Variants in AGBL1 observed in about 807,000 individuals in gnomAD.
AGBL1 encodes AGBL carboxypeptidase 1.
AGBL1 carries 130 observed loss-of-function variants against 118.9 expected under a neutral mutation model. The observed-to-expected ratio is 1.09, with a 90% CI of 0.95 to 1.26. The LOEUF (loss-of-function observed/expected upper bound fraction) is 1.26. Ranked by LOEUF, AGBL1 falls within the 50% of genes most tolerant of loss-of-function variation. AGBL1 has a pLI of 0.00. For missense variants in AGBL1, 1,584 were observed against 1,298.1 expected (o/e 1.22, Z -3.38); for synonymous variants, 555 against 478.9 (o/e 1.16, Z -2.08).
At chr15:86,864,824 A>G (rs2079603359) in intron 22 of AGBL1, among the ~76,000 whole-genome samples, 2 of 152,206 alleles carry the variant, frequency 1.3e-5, no homozygotes, top group African/African-American at 2.4e-5. Context: ...CCTGGATTTC[A>G]TACCACTGTG....
intron 24 of AGBL1, among the ~76,000 whole-genome samples, chr15:87,006,971 A>T (rs576522776): frequency 6.6e-6 from 1 of 152,240 alleles, no homozygotes; most frequent in East Asian, 1.9e-4. Context: ...TCCCCAAAAC[A>T]TAGCAGAAAG....
intron 17 of AGBL1, among the ~76,000 whole-genome samples, chr15:86,334,211 A>G (rs971606463): frequency 6.6e-6 from 1 of 152,198 alleles, no homozygotes; most frequent in African/African-American, 2.4e-5. Context: ...AGACATCTAA[A>G]TAGGAAAAAA....
At chr15:86,402,112 C>G (rs1178254958) in intron 18 of AGBL1, among the ~76,000 whole-genome samples, 5 of 151,660 alleles carry the variant, frequency 3.3e-5, no homozygotes, top group Non-Finnish European at 5.9e-5. Flanking sequence ...GTTTGTGTCA[C>G]CTGTGATTTT....
At chr15:86,529,785 G>A (rs931330149) in intron 19 of AGBL1, among the ~76,000 whole-genome samples, 4 of 151,902 alleles carry the variant, frequency 2.6e-5, no homozygotes, top group African/African-American at 9.7e-5. Flanking sequence ...CAAGCCAGAA[G>A]AGACTGGGGG....
intron 5 of AGBL1, among the ~76,000 whole-genome samples, chr15:86,165,316 T>G (rs1265632328): frequency 6.6e-6 from 1 of 152,168 alleles, no homozygotes; most frequent in Non-Finnish European, 1.5e-5. Context: ...TGGCAGCCCT[T>G]TCTGGTGATT....
At chr15:86,798,042 G>C (rs976442751) in intron 22 of AGBL1, among the ~76,000 whole-genome samples, 11 of 152,188 alleles carry the variant, frequency 7.2e-5, no homozygotes, top group African/African-American at 2.7e-4. Context: ...GCAGCCAGGA[G>C]AAATGGCCGA....
intron 16 of AGBL1, among the ~76,000 whole-genome samples, chr15:86,281,110 A>G (rs977322921): frequency 6.6e-6 from 1 of 152,182 alleles, no homozygotes. Flanking sequence ...TGGGCTGGGC[A>G]CAGTGGCTCA....
chr15:86,134,414 T>G (rs963490856), intron 1 of AGBL1, among the ~76,000 whole-genome samples: 2 of 152,158 alleles, frequency 1.3e-5, no homozygotes, highest in African/African-American at 4.8e-5. Flanking sequence ...TATGGGCTTG[T>G]TCTTTCAGTC....
At chr15:86,090,816 C>A (rs1288990907) in intron 1 of AGBL1, among the ~76,000 whole-genome samples, 1 of 152,078 alleles carries the variant, frequency 6.6e-6, no homozygotes, top group Non-Finnish European at 1.5e-5. Flanking sequence ...CACACCATAT[C>A]ATTTCCTTTT....
intron 18 of AGBL1, among the ~76,000 whole-genome samples, chr15:86,424,936 TTGG>T (rs879265432): frequency 2.6e-5 from 4 of 152,166 alleles, no homozygotes; most frequent in Non-Finnish European, 5.9e-5. Context: ...TTTTACACTG[TTGG>T]TGGGAGTGTA....
At chr15:86,386,647 C>G (rs1016757916) in intron 17 of AGBL1, among the ~76,000 whole-genome samples, 1 of 152,026 alleles carries the variant, frequency 6.6e-6, no homozygotes, top group African/African-American at 2.4e-5. Context: ...AAAGAGCCTT[C>G]TTTTCTAAAA....
chr15:86,784,038 C>G (rs1045727490), intron 22 of AGBL1, among the ~76,000 whole-genome samples: 130 of 152,294 alleles, frequency 8.5e-4, no homozygotes, highest in African/African-American at 3.0e-3. Flanking sequence ...GATTAAATCC[C>G]TGCCCTAATG....
intron 17 of AGBL1, among the ~76,000 whole-genome samples, chr15:86,348,590 C>G (rs2080576742): frequency 6.6e-6 from 1 of 152,042 alleles, no homozygotes; most frequent in Non-Finnish European, 1.5e-5. Flanking sequence ...CCAGCTTAAC[C>G]AACATGGTGA....
At chr15:86,084,855 A>G (rs987443831) in intron 1 of AGBL1, among the ~76,000 whole-genome samples, 1 of 149,086 alleles carries the variant, frequency 6.7e-6, no homozygotes, top group Non-Finnish European at 1.5e-5. Context: ...CATCCATCCC[A>G]TTTACCTGTT....
intron 22 of AGBL1, among the ~76,000 whole-genome samples, chr15:86,816,626 G>C (rs902064686): frequency 6.6e-6 from 1 of 152,130 alleles, no homozygotes; most frequent in African/African-American, 2.4e-5. Flanking sequence ...AAGCAATTCA[G>C]TTGAGGGGAA....
At chr15:86,300,517 C>A (rs546816336) in intron 17 of AGBL1, among the ~76,000 whole-genome samples, 4 of 152,282 alleles carry the variant, frequency 2.6e-5, no homozygotes, top group African/African-American at 9.6e-5. Flanking sequence ...TAGTCACAGG[C>A]TGATTCACTG....
intron 17 of AGBL1, among the ~76,000 whole-genome samples, chr15:86,322,227 A>G (rs992944812): frequency 1.3e-5 from 2 of 151,920 alleles, no homozygotes; most frequent in African/African-American, 4.8e-5. Context: ...TTGACTGCTT[A>G]ATCTGTCTGT....
intron 1 of AGBL1, among the ~76,000 whole-genome samples, chr15:86,122,683 G>T (rs1315307789): frequency 2.0e-5 from 3 of 152,094 alleles, no homozygotes; most frequent in Non-Finnish European, 4.4e-5. Flanking sequence ...TACTGTCAAG[G>T]TTGTGAAAAA....
intron 17 of AGBL1, among the ~76,000 whole-genome samples, chr15:86,366,009 T>C (rs2080882333): frequency 6.6e-6 from 1 of 152,228 alleles, no homozygotes; most frequent in South Asian, 2.1e-4. Context: ...TCTGTGCAGA[T>C]AGTGAAGAAA....
Sources: gnomAD v4.1 joint callset for allele counts (sites outside exome capture counted in the v4.1 genomes callset) on GRCh38, gnomAD v4.1.1 for gene constraint, MANE v1.5 for transcripts, NCBI Gene and HGNC (gene_info 2026-07-23, HGNC 2026-07-21) for gene names.